CNOT6L: variants seen among roughly 807,000 people sequenced by gnomAD.
CNOT6L encodes CCR4-NOT transcription complex subunit 6-like.
Under a neutral mutation model 64.0 loss-of-function variants are expected in CNOT6L, and 7 were observed. The observed-to-expected ratio is 0.11, with a 90% CI of 0.06 to 0.21. The LOEUF is 0.21. Among genes scored for constraint, CNOT6L ranks in the 10% least tolerant of loss-of-function variants. CNOT6L has a pLI of 1.00. For synonymous variants in CNOT6L, 193 were observed against 243.4 expected (o/e 0.79, Z 1.93); for missense variants, 245 against 669.0 (o/e 0.37, Z 6.99).
chr4:77,776,125 T>A, intron 2 of CNOT6L, 146 bp downstream of exon 2: 2 of 757,156 alleles, frequency 2.6e-6, no homozygotes, highest in Non-Finnish European at 4.2e-6. Context: ...CAGTCACACA[T>A]AAAACAGAAA....
chr4:77,781,853 A>G (rs1031108176), intron 1 of CNOT6L, among the ~76,000 whole-genome samples: 1 of 152,218 alleles, frequency 6.6e-6, no homozygotes, highest in African/African-American at 2.4e-5. Context: ...TATTTCATTT[A>G]GGATTCAGAC....
chr4:77,772,503 A>G (rs1411612621), intron 4 of CNOT6L, among the ~76,000 whole-genome samples: 3 of 151,836 alleles, frequency 2.0e-5, no homozygotes, highest in Non-Finnish European at 4.4e-5. Flanking sequence ...ATCTCTTCTG[A>G]GAAAGTTCAG....
chr4:77,742,598 C>T, intron 7 of CNOT6L: 1 of 310,682 alleles, frequency 3.2e-6, no homozygotes, highest in South Asian at 3.5e-5. Flanking sequence ...TTTACTTCCT[C>T]AAGACTGGCA....
intron 1 of CNOT6L, among the ~76,000 whole-genome samples, chr4:77,779,547 T>TA (rs1016480362): frequency 1.4e-3 from 200 of 147,092 alleles, no homozygotes; most frequent in African/African-American, 3.7e-3. Context: ...ATCTCTTCCT[T>TA]AAAAAAAAAA....
At chr4:77,812,956 C>T (rs950120410) in intron 1 of CNOT6L, among the ~76,000 whole-genome samples, 5 of 152,122 alleles carry the variant, frequency 3.3e-5, no homozygotes, top group African/African-American at 9.7e-5. Context: ...CTCTCAATTA[C>T]AAAGCTACAG....
In CNOT6L at chr4:77,754,888, T is replaced by TAAAAAAAAAAAAAAAAAA; in HGVS notation, c.490+1956_490+1973dup. On this transcript the variant is annotated intron_variant, in intron 5 of 11. Transcript: ENST00000504123. ...AAAACCTAATTCTAAACATTAGAAGTAAAAAAAAAAAAAAAAAAAAAAAAA... is the reference window on the plus strand; with the variant it reads ...AAAACCTAATTCTAAACATTAGAAGTAAAAAAAAAAAAAAAAAAAAAAAAAAAAAAAAAAAAAAAAAAA... 4.7e-3 allele frequency among the ~76,000 whole-genome samples: 174 copies of TAAAAAAAAAAAAAAAAAA among 36,942 alleles called. 36 individuals are homozygous for TAAAAAAAAAAAAAAAAAA. The highest frequency in any genetic ancestry group is 5.2e-3 in the Non-Finnish European group (111 of 21,312). The allele number at this position is 36,942 out of a possible 152,430, so 24.2% of individuals were successfully genotyped here.
chr4:77,779,882 T>C (rs1728665285), intron 1 of CNOT6L, among the ~76,000 whole-genome samples: 1 of 152,150 alleles, frequency 6.6e-6, no homozygotes, highest in African/African-American at 2.4e-5. Context: ...GAGAATGGCA[T>C]GAACCCGGGA....
chr4:77,720,788 A>G, intron 11 of CNOT6L, 145 bp from the exon 12 acceptor site: 2 of 703,648 alleles, frequency 2.8e-6, no homozygotes, highest in Non-Finnish European at 4.7e-6. Context: ...TCAAATATTC[A>G]ATGGGTATTA....
At chr4:77,720,724 A>G in intron 11 of CNOT6L, 81 bp from the exon 12 acceptor site, 1 of 1,374,196 alleles carries the variant, frequency 7.3e-7, no homozygotes, top group Admixed American at 1.9e-5. Flanking sequence ...AAACCAAAAA[A>G]CTGACTACCC....
chr4:77,784,189 T>G (rs1239970492), intron 1 of CNOT6L, among the ~76,000 whole-genome samples: 1 of 152,124 alleles, frequency 6.6e-6, no homozygotes, highest in East Asian at 1.9e-4. Context: ...ATTCCTTTTC[T>G]GCATATTTAA....
At position 77,819,360 on chromosome 4, in the gene CNOT6L, A is replaced by AAC; in HGVS notation, c.-54_-53dup. The AAC allele has an allele frequency of 3.7e-6, 6 of 1,611,112 alleles. No homozygotes were observed. The highest frequency in any genetic ancestry group is 2.2e-5 in the South Asian group (2 of 90,970). On this transcript the variant is annotated 5_prime_UTR_variant, in exon 1 of 12. Transcript: ENST00000504123. ...GCAGCCATTTCCCCGCGGCAGGGGAAACACACACACAAACACGCGCGCGCG... is the reference window on the plus strand; with the variant it reads ...GCAGCCATTTCCCCGCGGCAGGGGAAACACACACACACAAACACGCGCGCGCG...
At chr4:77,739,329 CCA>C (rs1170760287) in intron 8 of CNOT6L, among the ~76,000 whole-genome samples, 1 of 152,130 alleles carries the variant, frequency 6.6e-6, no homozygotes, top group African/African-American at 2.4e-5. Context: ...GACTACTCTT[CCA>C]CAGTTATCTT....
At chr4:77,778,140 A>G (rs1728358676) in intron 1 of CNOT6L, among the ~76,000 whole-genome samples, 1 of 152,206 alleles carries the variant, frequency 6.6e-6, no homozygotes, top group Non-Finnish European at 1.5e-5. Flanking sequence ...GATTTCTACC[A>G]TATTCAGCCT....
chr4:77,786,956 C>A (rs1026291157), intron 1 of CNOT6L, among the ~76,000 whole-genome samples: 2 of 151,914 alleles, frequency 1.3e-5, no homozygotes, highest in African/African-American at 4.8e-5. Flanking sequence ...AAAGAATTTG[C>A]CATCCATAAG....
chr4:77,747,618 A>G (rs1724350035), intron 6 of CNOT6L, among the ~76,000 whole-genome samples: 1 of 152,256 alleles, frequency 6.6e-6, no homozygotes, highest in Admixed American at 6.5e-5. Context: ...ACGGTAATTC[A>G]TAACTTATTT....
intron 11 of CNOT6L, among the ~76,000 whole-genome samples, chr4:77,725,200 C>A (rs538928673): frequency 6.6e-6 from 1 of 152,092 alleles, no homozygotes; most frequent in Admixed American, 6.5e-5. Context: ...TAACAACACA[C>A]GAATTTCTTT....
At chr4:77,769,797 G>C (rs1727329706) in intron 4 of CNOT6L, among the ~76,000 whole-genome samples, 1 of 152,060 alleles carries the variant, frequency 6.6e-6, no homozygotes, top group African/African-American at 2.4e-5. Flanking sequence ...TCCATAAACA[G>C]ACCAAGTAAT....
chr4:77,766,193 A>G (rs1726795434), intron 4 of CNOT6L, among the ~76,000 whole-genome samples: 1 of 152,182 alleles, frequency 6.6e-6, no homozygotes, highest in East Asian at 1.9e-4. Context: ...TAAAATTGGA[A>G]AAAAAAGTGT....
In CNOT6L at chr4:77,717,703, A is replaced by G. The variant is rs1720894058; in HGVS notation, c.*2728T>C. The G allele has an allele frequency of 6.6e-6, 1 of 152,538 alleles. No individual in the cohort carries two copies. The highest frequency in any genetic ancestry group is 1.9e-4 in the East Asian group (1 of 5,196). The allele number at this position is 152,538 out of a possible 1,614,324, so 9.4% of individuals were successfully genotyped here. On this transcript the variant is annotated 3_prime_UTR_variant, in exon 12 of 12. Transcript: ENST00000504123. ...GCTGAGGAAAGCAGCATTTCTGATC[A>G]TCTGAATTGGCAGCTCAAAACAGAT...
Sources: allele counts gnomAD v4.1 joint callset (sites outside exome capture counted in the v4.1 genomes callset), GRCh38; gene constraint gnomAD v4.1.1; transcripts MANE v1.5; gene names NCBI Gene and HGNC (gene_info 2026-07-23, HGNC 2026-07-21).